FHIT: variants seen among roughly 807,000 people sequenced by gnomAD.
FHIT encodes the protein bis(5'-adenosyl)-triphosphatase.
Under a neutral mutation model 17.9 loss-of-function variants are expected in FHIT, and 19 were observed. That is an observed-to-expected ratio of 1.06 (90% confidence interval 0.74 to 1.56). The LOEUF (loss-of-function observed/expected upper bound fraction) is 1.56. FHIT is among the 40% of genes most tolerant of loss of function. The pLI is 0.00. For missense variants in FHIT, 248 were observed against 189.2 expected (o/e 1.31, Z -1.82); for synonymous variants, 81 against 69.7 (o/e 1.16, Z -0.81).
rs549876257 is a variant in FHIT, at chr3:60,029,806, T to G, written c.104-15654A>C. ...TTTTGAGGTAATTATCCTTGGTTACTAGGATCAATAACATTGTAGCACCAG... is the reference window on the plus strand; with the variant it reads ...TTTTGAGGTAATTATCCTTGGTTACGAGGATCAATAACATTGTAGCACCAG... On this transcript the variant is annotated intron_variant, in intron 5 of 9. Coordinates refer to ENST00000492590, the MANE Select transcript of FHIT (RefSeq NM_002012.4). Among the ~76,000 whole-genome samples, 436 of 152,024 alleles carry G rather than the reference T, an allele frequency of 2.9e-3. 1 individual carries two copies. Among genetic ancestry groups the G allele is most frequent in the African/African-American group, 0.01 (423 of 41,476 alleles).
chr3:60,305,864 GCA>G (rs1020158025), intron 5 of FHIT, among the ~76,000 whole-genome samples: 75 of 152,156 alleles, frequency 4.9e-4, no homozygotes, highest in Middle Eastern at 3.4e-3. Context: ...TGGTGATAAC[GCA>G]CAGTTTTATG....
intron 5 of FHIT, among the ~76,000 whole-genome samples, chr3:60,350,158 A>AAAT (rs1576517573): frequency 6.6e-6 from 1 of 152,180 alleles, no homozygotes; most frequent in East Asian, 1.9e-4. Context: ...ACCACAGTTA[A>AAAT]AATAATAATG....
chr3:60,425,150 C>G (rs1702616221), intron 5 of FHIT, among the ~76,000 whole-genome samples: 1 of 152,052 alleles, frequency 6.6e-6, no homozygotes, highest in South Asian at 2.1e-4. Context: ...CTGCAACTAT[C>G]TGAAGCACCC....
intron 3 of FHIT, among the ~76,000 whole-genome samples, chr3:61,003,034 G>A (rs979654397): frequency 2.0e-5 from 3 of 152,202 alleles, no homozygotes; most frequent in Non-Finnish European, 4.4e-5. Context: ...TTTTGTTGTA[G>A]TTCGTGCCTA....
chr3:60,895,670 CTTT>C (rs1559808626), intron 3 of FHIT, among the ~76,000 whole-genome samples: 3,312 of 28,772 alleles, frequency 0.12, 67 homozygotes, highest in Non-Finnish European at 0.15. Flanking sequence ...TCCTTCCTTT[CTTT>C]CTTTCTTTCT....
intron 8 of FHIT, among the ~76,000 whole-genome samples, chr3:59,770,864 A>G (rs1050022418): frequency 6.6e-6 from 1 of 152,120 alleles, no homozygotes; most frequent in African/African-American, 2.4e-5. Flanking sequence ...GACCTCACCC[A>G]TGCCTGTGCC....
Position 60,816,861 on chromosome 3 carries a change from T to C in FHIT, c.-18+5058A>G, listed in dbSNP as rs191198938. Among the ~76,000 whole-genome samples, 12 of 152,110 alleles carry C rather than the reference T, an allele frequency of 7.9e-5. 1 individual carries two copies. The East Asian group carries it at 2.3e-3, about 29-fold the overall frequency. On this transcript the variant is annotated intron_variant, in intron 4 of 9. Coordinates refer to ENST00000492590, the MANE Select transcript of FHIT (RefSeq NM_002012.4). ...TGCTATGACACTGCTACATTTTAAT[T>C]AGTGATTAGTCCACTGACATTTAGT...
intron 3 of FHIT, among the ~76,000 whole-genome samples, chr3:60,875,923 A>ATGTGTGTGTG (rs60177380): frequency 0.017 from 2,315 of 136,846 alleles, 39 homozygotes; most frequent in East Asian, 0.026. Context: ...AAACTTATTC[A>ATGTGTGTGTG]TGTGTGTGTG....
chr3:60,052,378 C>G (rs1159369235), intron 5 of FHIT, among the ~76,000 whole-genome samples: 1 of 152,056 alleles, frequency 6.6e-6, no homozygotes, highest in East Asian at 1.9e-4. Context: ...TAAAGGGAAT[C>G]CTAGAGTCCT....
At chr3:60,872,320 GT>G (rs1411659996) in intron 3 of FHIT, among the ~76,000 whole-genome samples, 1 of 152,136 alleles carries the variant, frequency 6.6e-6, no homozygotes, top group Non-Finnish European at 1.5e-5. Context: ...CCTAACATAA[GT>G]TGTCCAGCTC....
intron 5 of FHIT, among the ~76,000 whole-genome samples, chr3:60,035,059 G>A (rs1287958867): frequency 6.6e-6 from 1 of 152,086 alleles, no homozygotes; most frequent in Admixed American, 6.6e-5. Context: ...ATAACACAGA[G>A]CACTGAATAT....
intron 5 of FHIT, among the ~76,000 whole-genome samples, chr3:60,227,234 T>C (rs542975070): frequency 2.6e-5 from 4 of 152,326 alleles, no homozygotes; most frequent in African/African-American, 9.6e-5. Context: ...GGAAAATGAC[T>C]TTTACCAAGA....
chr3:59,955,000 C>A (rs1002687964), intron 7 of FHIT, among the ~76,000 whole-genome samples: 23 of 152,176 alleles, frequency 1.5e-4, no homozygotes, highest in Admixed American at 2.0e-4. Context: ...CATTCAGACC[C>A]TGGAGAAGCC....
intron 2 of FHIT, among the ~76,000 whole-genome samples, chr3:61,156,450 G>T (rs532079312): frequency 6.6e-6 from 1 of 151,990 alleles, no homozygotes; most frequent in South Asian, 2.1e-4. Flanking sequence ...TATCGAAACG[G>T]TCCCTAAATA....
chr3:60,934,634 C>T (rs1378123049), intron 3 of FHIT, among the ~76,000 whole-genome samples: 2 of 152,154 alleles, frequency 1.3e-5, no homozygotes, highest in Non-Finnish European at 2.9e-5. Context: ...TTATTTTCTC[C>T]ATTTTAAAGA....
intron 8 of FHIT, among the ~76,000 whole-genome samples, chr3:59,847,473 G>C (rs544212350): frequency 1.4e-4 from 21 of 151,958 alleles, no homozygotes; most frequent in Non-Finnish European, 2.9e-4. Flanking sequence ...CTTTTGATCA[G>C]ACATTATTTT....
chr3:60,479,849 A>G (rs562298920), intron 5 of FHIT, among the ~76,000 whole-genome samples: 21 of 152,288 alleles, frequency 1.4e-4, no homozygotes, highest in Middle Eastern at 3.4e-3. Flanking sequence ...AAAACTGTCC[A>G]TCCCCCATGA....
chr3:60,726,409 G>A (rs957952395), intron 4 of FHIT, among the ~76,000 whole-genome samples: 4 of 152,146 alleles, frequency 2.6e-5, no homozygotes, highest in Non-Finnish European at 5.9e-5. Context: ...CCCTTCGTGT[G>A]TTTGTCTATA....
chr3:60,234,212 GACA>G, intron 5 of FHIT, among the ~76,000 whole-genome samples: 2 of 152,144 alleles, frequency 1.3e-5, no homozygotes, highest in African/African-American at 4.8e-5. Context: ...ATAGCACAGG[GACA>G]ACAAAAAATA....
Sources: gnomAD v4.1 joint callset for allele counts (sites outside exome capture counted in the v4.1 genomes callset) on GRCh38, gnomAD v4.1.1 for gene constraint, MANE v1.5 for transcripts, NCBI Gene and HGNC (gene_info 2026-07-23, HGNC 2026-07-21) for gene names.